The following ANP32E variants were observed in gnomAD, a reference collection of about 807,000 sequenced individuals.
The protein encoded by ANP32E is acidic leucine-rich nuclear phosphoprotein 32 family member E.
Under a neutral mutation model 35.3 loss-of-function variants are expected in ANP32E, and 14 were observed. The ratio of observed to expected loss-of-function variants is 0.40; its 90% CI spans 0.26 to 0.62. The LOEUF (loss-of-function observed/expected upper bound fraction) is 0.62. ANP32E is among the 20% of genes least tolerant of loss of function. The pLI is 0.45. For synonymous variants in ANP32E, 89 were observed against 110.4 expected (o/e 0.81, Z 1.22); for missense variants, 198 against 304.4 (o/e 0.65, Z 2.60).
At chr1:150,234,862 C>T (rs1248929341) in intron 1 of ANP32E, among the ~76,000 whole-genome samples, 1 of 152,256 alleles carries the variant, frequency 6.6e-6, no homozygotes, top group African/African-American at 2.4e-5. Context: ...TGGCCCCTCC[C>T]AACCCCGTCT....
chr1:150,226,812 A>C lies in ANP32E; in HGVS notation c.494-17T>G. ...CATCGCCATCTTTAAAAAATCATTT[A>C]AAGATGAGTAAATGACTGGGTAAAT... On this transcript the variant is annotated splice_polypyrimidine_tract_variant and intron_variant, in intron 4 of 6. Coordinates refer to ENST00000583931, the MANE Select transcript of ANP32E (RefSeq NM_030920.5). 4 of 1,593,862 alleles carry C rather than the reference A, an allele frequency of 2.5e-6. No individual in the cohort carries two copies. Among genetic ancestry groups the C allele is most frequent in the Non-Finnish European group, 3.4e-6 (4 of 1,174,490 alleles).
chr1:150,234,368 T>C (rs1479245897), intron 1 of ANP32E, among the ~76,000 whole-genome samples: 1 of 150,030 alleles, frequency 6.7e-6, no homozygotes, highest in Non-Finnish European at 1.5e-5. Context: ...GGGATGACCC[T>C]GATAGCAAGC....
chr1:150,234,611 A>T (rs112338813), intron 1 of ANP32E: 84 of 985,480 alleles, frequency 8.5e-5, no homozygotes, highest in Non-Finnish European at 2.3e-5. Context: ...AGCAAGACTG[A>T]TGCTTTCCTC....
chr1:150,229,938 C>T (rs1192465453), intron 3 of ANP32E, among the ~76,000 whole-genome samples: 2 of 152,152 alleles, frequency 1.3e-5, no homozygotes, highest in Non-Finnish European at 2.9e-5. Flanking sequence ...ATTTATGATC[C>T]AGAAAATATA....
rs587621968 is a variant in ANP32E at position 150,235,479 on chromosome 1, G to A, written c.54+254C>T. 6.6e-6 allele frequency among the ~76,000 whole-genome samples: 1 copy of A among 152,218 alleles called. No homozygotes were observed. The highest frequency in any genetic ancestry group is 1.5e-5 in the Non-Finnish European group (1 of 68,032). On this transcript the variant is annotated intron_variant, in intron 1 of 6. Transcript: ENST00000583931. The surrounding 1 kb of genome is among the most constrained non-coding windows in gnomAD (Gnocchi z 4.2). ...CCGCCCCCACGAGGTCAGGACGCCC[G>A]ACTCGATGAAAGCCGAAAGGAGCTA...
chr1:150,223,493 C>T (rs1351388495), intron 5 of ANP32E, among the ~76,000 whole-genome samples: 1 of 151,866 alleles, frequency 6.6e-6, no homozygotes, highest in African/African-American at 2.4e-5. Context: ...CCAGCATGGC[C>T]AACATGGTGA....
At position 150,219,738 on chromosome 1, in the gene ANP32E, G is replaced by A. The variant is rs1648187744; in HGVS notation, c.*953C>T. ...AGAGCTTACTGCATAAAACTGTATT[G>A]ATAATATATTCTTATGTCAGAAAAT... On this transcript the variant is annotated 3_prime_UTR_variant, in exon 7 of 7. Coordinates refer to ENST00000583931, the MANE Select transcript of ANP32E (RefSeq NM_030920.5). 1 of 152,080 alleles carries A rather than the reference G, an allele frequency of 6.6e-6. No homozygotes were observed. Among genetic ancestry groups the A allele is most frequent in the African/African-American group, 2.4e-5 (1 of 41,408 alleles). The allele number at this position is 152,080 out of a possible 1,614,324, so 9.4% of individuals were successfully genotyped here. A position where few individuals can be genotyped will look rare whatever the true frequency, so the allele number is the denominator to read the frequency against.
At chr1:150,233,896 C>T (rs1649565176) in intron 1 of ANP32E, among the ~76,000 whole-genome samples, 2 of 151,970 alleles carry the variant, frequency 1.3e-5, no homozygotes, top group Non-Finnish European at 2.9e-5. Flanking sequence ...TTCAGACTCC[C>T]CGTTTAGCTG....
At chr1:150,233,190 G>A (rs1465704259) in intron 1 of ANP32E, among the ~76,000 whole-genome samples, 1 of 148,650 alleles carries the variant, frequency 6.7e-6, no homozygotes, top group Non-Finnish European at 1.5e-5. Flanking sequence ...ACTTGAACCC[G>A]GGCAGCAGAG....
intron 1 of ANP32E, among the ~76,000 whole-genome samples, chr1:150,232,759 C>T (rs587750647): frequency 6.6e-6 from 1 of 152,216 alleles, no homozygotes; most frequent in African/African-American, 2.4e-5. Context: ...AGGGATGAGC[C>T]ACCTTGCCTG....
At chr1:150,221,132 A>AAAAAC (rs1648324466) in intron 6 of ANP32E, among the ~76,000 whole-genome samples, 1 of 150,200 alleles carries the variant, frequency 6.7e-6, no homozygotes, top group Non-Finnish European at 1.5e-5. Flanking sequence ...AAAAAAAAAA[A>AAAAAC]AACGTTAATG....
chr1:150,229,298 C>CATTT, intron 3 of ANP32E, 61 bp from the exon 4 acceptor site: 1 of 429,546 alleles, frequency 2.3e-6, no homozygotes, highest in Non-Finnish European at 3.6e-6. Flanking sequence ...TTTCTTTTTT[C>CATTT]TTTTTTTTTT....
Position 150,219,032 on chromosome 1 carries a change from C to T in ANP32E, c.*1659G>A, listed in dbSNP as rs1482312616. Reference sequence around the variant, plus strand: ...AAGGGTTTTCTTTCGGTCAGTTGTACAACATTTTTAGTTTCTCCACAAGTA... The same window carrying T: ...AAGGGTTTTCTTTCGGTCAGTTGTATAACATTTTTAGTTTCTCCACAAGTA... On this transcript the variant is annotated 3_prime_UTR_variant, in exon 7 of 7. Coordinates refer to ENST00000583931, the MANE Select transcript of ANP32E (RefSeq NM_030920.5). The T allele has an allele frequency of 1.3e-5, 2 of 152,130 alleles. No individual in the cohort carries two copies. Among genetic ancestry groups the T allele is most frequent in the Non-Finnish European group, 2.9e-5 (2 of 67,998 alleles). 9.4% of individuals were successfully genotyped at this position (152,130 alleles called of 1,614,324 possible).
rs1448859316 is a variant in ANP32E at position 150,222,439 on chromosome 1, TA to T, written c.736+746del. ...ATCTCAAAAAAAATAAATAAATAAA[TA>T]AAATAAAATAAAATAAAATAAAATA... On this transcript the variant is annotated intron_variant, in intron 6 of 6. Coordinates refer to ENST00000583931, the MANE Select transcript of ANP32E (RefSeq NM_030920.5). Among the ~76,000 whole-genome samples, 10 of 27,002 alleles carry T rather than the reference TA, an allele frequency of 3.7e-4. No individual in the cohort carries two copies. In the East Asian group the frequency reaches 7.4e-3, roughly 20 times the overall value. 17.7% of individuals were successfully genotyped at this position (27,002 alleles called of 152,430 possible). A position where few individuals can be genotyped will look rare whatever the true frequency, so the allele number is the denominator to read the frequency against.
intron 4 of ANP32E, among the ~76,000 whole-genome samples, chr1:150,228,331 A>G (rs1553840655): frequency 6.6e-6 from 1 of 152,160 alleles, no homozygotes; most frequent in Non-Finnish European, 1.5e-5. Context: ...TGTGGCATGT[A>G]TCACTACTTC....
chr1:150,230,071 G>A (rs1649234219), intron 3 of ANP32E, among the ~76,000 whole-genome samples: 1 of 151,896 alleles, frequency 6.6e-6, no homozygotes. Context: ...TAGAGACAGG[G>A]TCTCACTATG....
chr1:150,225,442 G>C (rs1047728976), intron 5 of ANP32E, among the ~76,000 whole-genome samples: 1 of 151,912 alleles, frequency 6.6e-6, no homozygotes, highest in African/African-American at 2.4e-5. Flanking sequence ...TGCCAAGGTG[G>C]GCGGATAATT....
chr1:150,224,953 A>G (rs1648747267), intron 5 of ANP32E, among the ~76,000 whole-genome samples: 1 of 152,188 alleles, frequency 6.6e-6, no homozygotes, highest in Admixed American at 6.6e-5. Context: ...AGATGCTGAG[A>G]TACAAAGGTG....
At chr1:150,232,427 T>C (rs969737983) in intron 1 of ANP32E, among the ~76,000 whole-genome samples, 4 of 150,942 alleles carry the variant, frequency 2.7e-5, no homozygotes, top group South Asian at 4.2e-4. Context: ...AAAACTGATA[T>C]ACAATCTAAA....
Sources: allele counts gnomAD v4.1 joint callset (sites outside exome capture counted in the v4.1 genomes callset), GRCh38; gene constraint gnomAD v4.1.1; non-coding constraint Gnocchi (gnomAD v3.1); transcripts MANE v1.5; gene names NCBI Gene and HGNC (gene_info 2026-07-23, HGNC 2026-07-21).